The following TMEM168 variants were observed in gnomAD, a reference collection of about 807,000 sequenced individuals.
TMEM168 encodes the protein transmembrane protein 168.
A neutral mutation model predicts 53.2 loss-of-function variants in TMEM168; 40 were observed. That is an observed-to-expected ratio of 0.75 (90% CI 0.58 to 0.98). The LOEUF (loss-of-function observed/expected upper bound fraction) is 0.98. Ranked by LOEUF, TMEM168 falls within the 50% of genes least tolerant of loss-of-function variation. The pLI, the probability that TMEM168 is intolerant of heterozygous loss-of-function variation, is 0.00. For synonymous variants in TMEM168, 282 were observed against 293.0 expected, an observed-to-expected ratio of 0.96 and a Z score of 0.38; for missense variants, 771 against 828.8, an observed-to-expected ratio of 0.93 and a Z score of 0.86.
intron 2 of TMEM168, among the ~76,000 whole-genome samples, chr7:112,779,169 A>C (rs78478117): frequency 0.034 from 5,119 of 152,242 alleles, 125 homozygotes; most frequent in Non-Finnish European, 0.048. Context: ...GGAATTACAA[A>C]TGTGAGTCAT....
At chr7:112,782,244 T>C (rs1289965924) in intron 2 of TMEM168, among the ~76,000 whole-genome samples, 1 of 152,176 alleles carries the variant, frequency 6.6e-6, no homozygotes, top group Non-Finnish European at 1.5e-5. Context: ...ATCAGGAAAC[T>C]GATTCTCTTA....
At chr7:112,782,389 A>G (rs961689720) in intron 2 of TMEM168, among the ~76,000 whole-genome samples, 1 of 152,190 alleles carries the variant, frequency 6.6e-6, no homozygotes, top group Non-Finnish European at 1.5e-5. Flanking sequence ...AGAATTTGAA[A>G]GCCTGGAATG....
At position 112,784,060 on chromosome 7, in the gene TMEM168, A is replaced by G. The variant is rs1793304209; in HGVS notation, c.766T>C (p.Leu256=). The G allele has an allele frequency of 1.2e-6, 2 of 1,613,020 alleles. No homozygotes were observed. The highest frequency in any genetic ancestry group is 1.7e-6 in the Non-Finnish European group (2 of 1,179,768). ...LSVTERWKPF[L]YRGRICRRLS... ...CTTCTGCAAATTCTTCCACGGTACA[A>G]AAAGGGTTTCCATCTTTCAGTTACT... is the stretch of plus-strand genomic sequence containing the variant. The change falls in exon 2 of 5, where the codon TTG becomes CTG. Residue 256 remains leucine, a synonymous_variant. Transcript: ENST00000312814.
At chr7:112,781,106 G>C (rs997746002) in intron 2 of TMEM168, among the ~76,000 whole-genome samples, 22 of 150,234 alleles carry the variant, frequency 1.5e-4, no homozygotes, top group African/African-American at 5.2e-4. Flanking sequence ...TAGGAACAGT[G>C]CTTCAAAATA....
At position 112,783,668 on chromosome 7, in the gene TMEM168, T is replaced by C. The variant is rs375170459; in HGVS notation, c.1128+30A>G. On this transcript the variant is annotated intron_variant, in intron 2 of 4. Transcript: ENST00000312814. ...GAAGCTAGCATTTTATTACACGTCA[T>C]TGGGGTTGCTGGACAAACAATAAGC... 25 of 1,431,570 alleles carry C rather than the reference T, an allele frequency of 1.7e-5. No homozygotes were observed. The African/African-American group carries it at 2.0e-4, about 12-fold the overall frequency. The allele number at this position is 1,431,570 out of a possible 1,614,324, so 88.7% of individuals were successfully genotyped here. A position where few individuals can be genotyped will look rare whatever the true frequency, so the allele number is the denominator to read the frequency against.
intron 2 of TMEM168, 49 bp downstream of exon 2, chr7:112,783,649 A>G (rs750662414): frequency 7.2e-7 from 1 of 1,384,088 alleles, no homozygotes; most frequent in Non-Finnish European, 9.4e-7. Context: ...TATTGAAGCT[A>G]GCATTTTATT....
Position 112,764,808 on chromosome 7 carries a change from T to C in TMEM168, c.*2389A>G, listed in dbSNP as rs1584430604. On this transcript the variant is annotated 3_prime_UTR_variant, in exon 5 of 5. Coordinates refer to ENST00000312814, the MANE Select transcript of TMEM168 (RefSeq NM_022484.6). ...CCACCATGCCTGGCTAAACATGTAC[T>C]TTTTTTTTTTTTTGAGACAAAGAAA... 1 of 54,790 alleles carries C rather than the reference T, an allele frequency of 1.8e-5. No individual in the cohort carries two copies. The highest frequency in any genetic ancestry group is 1.5e-4 in the Admixed American group (1 of 6,752). 3.4% of individuals were successfully genotyped at this position (54,790 alleles called of 1,614,324 possible). A position where few individuals can be genotyped will look rare whatever the true frequency, so the allele number is the denominator to read the frequency against.
chr7:112,767,489 T>C lies in TMEM168; in HGVS notation c.1802A>G (p.Asn601Ser), dbSNP rs780523085. 11 of 1,614,188 alleles carry C rather than the reference T, an allele frequency of 6.8e-6. No homozygotes were observed. The East Asian group carries it at 2.2e-4, about 33-fold the overall frequency. The change falls in exon 5 of 5, where the codon AAT becomes AGT. Residue 601 changes from asparagine to serine, a missense_variant. Transcript: ENST00000312814. ...TCCCTTTTCAGTCCAGCAGATGTTATTACTGGAGTTGCAGTTATATTCTAC... is the reference window on the plus strand; with the variant it reads ...TCCCTTTTCAGTCCAGCAGATGTTACTACTGGAGTTGCAGTTATATTCTAC... Reference protein sequence around the residue: ...DWVEYNCNSSNNICWTEKGRT... With the variant: ...DWVEYNCNSSSNICWTEKGRT...
intron 2 of TMEM168, 142 bp downstream of exon 2, chr7:112,783,556 C>T (rs1793286196): frequency 3.5e-6 from 3 of 855,478 alleles, no homozygotes; most frequent in Non-Finnish European, 3.3e-6. Context: ...ACATTCAGTG[C>T]TTCAATTCCA....
chr7:112,783,462 G>T (rs1793283639), intron 2 of TMEM168, among the ~76,000 whole-genome samples: 1 of 152,196 alleles, frequency 6.6e-6, no homozygotes, highest in South Asian at 2.1e-4. Context: ...GAACAGTCAG[G>T]AAGCGGGAGG....
intron 2 of TMEM168, 59 bp downstream of exon 2, chr7:112,783,639 T>C: frequency 7.3e-7 from 1 of 1,363,238 alleles, no homozygotes; most frequent in Non-Finnish European, 9.6e-7. Flanking sequence ...TAATTTCAAT[T>C]ATTGAAGCTA....
chr7:112,763,920 T>C lies in TMEM168; in HGVS notation c.*3277A>G, dbSNP rs919612773. 2 of 152,102 alleles carry C rather than the reference T, an allele frequency of 1.3e-5. No homozygotes were observed. The highest frequency in any genetic ancestry group is 4.8e-5 in the African/African-American group (2 of 41,448). The allele number at this position is 152,102 out of a possible 1,614,324, so 9.4% of individuals were successfully genotyped here. On this transcript the variant is annotated 3_prime_UTR_variant, in exon 5 of 5. Transcript: ENST00000312814. ...TGAAATGCATCTTTTCCAAAGAATTTTGAATTTATTAAGAGCAAGACAGAA... is the reference window on the plus strand; with the variant it reads ...TGAAATGCATCTTTTCCAAAGAATTCTGAATTTATTAAGAGCAAGACAGAA...
At chr7:112,772,000 G>T (rs527979888) in intron 4 of TMEM168, among the ~76,000 whole-genome samples, 2 of 152,038 alleles carry the variant, frequency 1.3e-5, no homozygotes, top group Admixed American at 1.3e-4. Flanking sequence ...TCTGTTATAG[G>T]TCCTAAACAA....
At chr7:112,786,503 C>A (rs758570290) in intron 1 of TMEM168, among the ~76,000 whole-genome samples, 1 of 152,032 alleles carries the variant, frequency 6.6e-6, no homozygotes, top group Non-Finnish European at 1.5e-5. Flanking sequence ...TCTTAAGGTA[C>A]CACATAATGT....
chr7:112,782,530 C>T (rs1793259037), intron 2 of TMEM168, among the ~76,000 whole-genome samples: 1 of 152,142 alleles, frequency 6.6e-6, no homozygotes, highest in Non-Finnish European at 1.5e-5. Flanking sequence ...CAACATAATT[C>T]TGACAGTACC....
At chr7:112,770,435 TG>T (rs1249889329) in intron 4 of TMEM168, among the ~76,000 whole-genome samples, 1 of 152,224 alleles carries the variant, frequency 6.6e-6, no homozygotes, top group Non-Finnish European at 1.5e-5. Flanking sequence ...AGAGGAATTC[TG>T]TAACGGTCAA....
At chr7:112,768,856 T>C (rs973295480) in intron 4 of TMEM168, among the ~76,000 whole-genome samples, 9 of 152,258 alleles carry the variant, frequency 5.9e-5, no homozygotes, top group African/African-American at 1.9e-4. Flanking sequence ...AAATGAACTA[T>C]GGCCTAAAAC....
intron 2 of TMEM168, among the ~76,000 whole-genome samples, chr7:112,780,776 T>C (rs572637365): frequency 5.3e-5 from 8 of 152,058 alleles, no homozygotes; most frequent in Non-Finnish European, 1.5e-5. Flanking sequence ...TTTACGAATA[T>C]GACATTCTGG....
Position 112,775,214 on chromosome 7 carries a change from A to T in TMEM168, c.1233T>A (p.Ser411=). ...HELGNCLGGT[S]VGYAIVIPTN... ...TGGGAATCACAATAGCATATCCAAC[A>T]GATGTTCCTCCTAAACAGTTACCCA... Residue 411 remains serine, a synonymous_variant, in exon 3 of 5, where the codon TCT becomes TCA. Coordinates refer to ENST00000312814, the MANE Select transcript of TMEM168 (RefSeq NM_022484.6). 1 of 1,613,724 alleles carries T rather than the reference A, an allele frequency of 6.2e-7. No individual in the cohort carries two copies. The highest frequency in any genetic ancestry group is 1.7e-4 in the Middle Eastern group (1 of 6,060).
Sources: gnomAD v4.1 joint callset for allele counts (sites outside exome capture counted in the v4.1 genomes callset) on GRCh38, gnomAD v4.1.1 for gene constraint, MANE v1.5 for transcripts, NCBI Gene and HGNC (gene_info 2026-07-23, HGNC 2026-07-21) for gene names.